SPATA13: variants seen among roughly 807,000 people sequenced by gnomAD.
SPATA13 encodes spermatogenesis associated 13, also known as spermatogenesis-associated protein 13.
A neutral mutation model predicts 104.0 loss-of-function variants in SPATA13; 50 were observed. That is an observed-to-expected ratio of 0.48 (90% CI 0.38 to 0.61). The LOEUF (loss-of-function observed/expected upper bound fraction) is 0.61. SPATA13 is among the 20% of genes least tolerant of loss of function. The pLI is 0.00. For synonymous variants in SPATA13, 606 were observed against 667.5 expected (o/e 0.91, Z 1.42); for missense variants, 1,524 against 1,690.6 (o/e 0.90, Z 1.73).
chr13:24,151,320 G>C (rs950681417), intron 3 of SPATA13, among the ~76,000 whole-genome samples: 1 of 152,132 alleles, frequency 6.6e-6, no homozygotes, highest in East Asian at 1.9e-4. Flanking sequence ...CTGAGGACCC[G>C]GAACCATTTG....
intron 2 of SPATA13, among the ~76,000 whole-genome samples, chr13:24,239,236 T>C (rs1872715062): frequency 6.6e-6 from 1 of 152,148 alleles, no homozygotes; most frequent in South Asian, 2.1e-4. Flanking sequence ...TTTCAGGAGA[T>C]GATGGAGGAA....
chr13:24,202,459 C>T (rs1290729374), intron 1 of SPATA13, among the ~76,000 whole-genome samples: 7 of 148,836 alleles, frequency 4.7e-5, no homozygotes, highest in East Asian at 4.1e-4. Context: ...TGTGCTTGGG[C>T]GCTTTCTCCA....
chr13:24,197,375 GTAAC>G (rs1870118535), intron 1 of SPATA13, among the ~76,000 whole-genome samples: 1 of 152,098 alleles, frequency 6.6e-6, no homozygotes, highest in South Asian at 2.1e-4. Context: ...TTGTTAAAAC[GTAAC>G]TATCTCTTAA....
At chr13:23,987,791 A>G (rs150032860) in intron 2 of SPATA13, among the ~76,000 whole-genome samples, 5 of 152,104 alleles carry the variant, frequency 3.3e-5, no homozygotes, top group South Asian at 2.1e-4. Context: ...CCTGGCAACC[A>G]CCATTCTACT....
At chr13:24,279,321 G>T (rs998595328) in intron 4 of SPATA13, among the ~76,000 whole-genome samples, 1 of 152,196 alleles carries the variant, frequency 6.6e-6, no homozygotes, top group Non-Finnish European at 1.5e-5. Context: ...TTGGAGAGGG[G>T]TGGGAGGCAC....
chr13:24,012,203 G>A (rs533780826), intron 2 of SPATA13, among the ~76,000 whole-genome samples: 73 of 152,308 alleles, frequency 4.8e-4, no homozygotes, highest in East Asian at 3.9e-4. Context: ...TTTCACCTGC[G>A]TCACAGCCAG....
chr13:24,053,146 G>T (rs1878421402), intron 3 of SPATA13, among the ~76,000 whole-genome samples: 1 of 152,000 alleles, frequency 6.6e-6, no homozygotes, highest in Non-Finnish European at 1.5e-5. Context: ...TAGATATAAA[G>T]CATCAAGTAT....
At chr13:24,292,007 C>T (rs1425263693) in intron 9 of SPATA13, among the ~76,000 whole-genome samples, 4 of 152,112 alleles carry the variant, frequency 2.6e-5, no homozygotes, top group Non-Finnish European at 4.4e-5. Flanking sequence ...CCACCCGCCT[C>T]GGCCTCCCAA....
chr13:24,300,132 C>A (rs545631960), intron 11 of SPATA13, among the ~76,000 whole-genome samples: 13 of 152,302 alleles, frequency 8.5e-5, no homozygotes, highest in African/African-American at 3.1e-4. Context: ...CGTCGGGCTT[C>A]ACACAGACAT....
intron 1 of SPATA13, among the ~76,000 whole-genome samples, chr13:24,209,103 C>A (rs1456152934): frequency 6.6e-6 from 1 of 152,120 alleles, no homozygotes; most frequent in African/African-American, 2.4e-5. Context: ...GTCATTCTAA[C>A]GGAGGTGCAG....
chr13:24,125,330 A>G (rs1024183469), intron 3 of SPATA13, among the ~76,000 whole-genome samples: 2 of 152,124 alleles, frequency 1.3e-5, no homozygotes, highest in Non-Finnish European at 2.9e-5. Context: ...TGTCATTCCT[A>G]ATGAGACTCA....
At position 24,286,589 on chromosome 13, in the gene SPATA13, T is replaced by C. The variant is rs542061665; in HGVS notation, c.2482-176T>C. The stretch of plus-strand genomic sequence containing the variant: ...AAGCGAGTTGCTCGGTGTTTCTCTG[T>C]GGTCCTCGTGCCTGCTGGCATAGCC... On this transcript the variant is annotated intron_variant, in intron 6 of 12. Transcript: ENST00000382108. The surrounding 1 kb of genome is among the most constrained non-coding windows in gnomAD (Gnocchi z 4.9). 6.6e-6 allele frequency among the ~76,000 whole-genome samples: 1 copy of C among 152,236 alleles called. No homozygotes were observed. The highest frequency in any genetic ancestry group is 1.9e-4 in the East Asian group (1 of 5,164).
chr13:24,014,431 T>C (rs907581867), intron 2 of SPATA13, among the ~76,000 whole-genome samples: 9 of 152,264 alleles, frequency 5.9e-5, no homozygotes, highest in African/African-American at 2.2e-4. Flanking sequence ...TAACTACTAA[T>C]AGCCTGCTAT....
chr13:24,256,693 C>T (rs1227377685), intron 4 of SPATA13, among the ~76,000 whole-genome samples: 2 of 152,170 alleles, frequency 1.3e-5, no homozygotes, highest in Non-Finnish European at 2.9e-5. Context: ...CTGTTTGTAG[C>T]ACCTGTCTTA....
At chr13:24,191,450 A>G (rs1020232994) in intron 1 of SPATA13, among the ~76,000 whole-genome samples, 10 of 149,962 alleles carry the variant, frequency 6.7e-5, no homozygotes, top group African/African-American at 2.2e-4. Flanking sequence ...CAAACCTGCA[A>G]TATCTCCCAA....
At chr13:24,188,531 A>G (rs9511118) in intron 1 of SPATA13, among the ~76,000 whole-genome samples, 111,478 of 151,998 alleles carry the variant, frequency 0.73, 45,527 homozygotes, top group Non-Finnish European at 0.91. Flanking sequence ...TTCTGTGAAG[A>G]CTGAGAGAGG....
intron 1 of SPATA13, among the ~76,000 whole-genome samples, chr13:24,172,424 T>G (rs1195144240): frequency 6.6e-6 from 1 of 152,234 alleles, no homozygotes; most frequent in Non-Finnish European, 1.5e-5. Flanking sequence ...GTCTAAGAAC[T>G]CCGTCGTAGT....
chr13:24,042,399 A>T (rs780657800), intron 3 of SPATA13, among the ~76,000 whole-genome samples: 5 of 152,094 alleles, frequency 3.3e-5, no homozygotes. Context: ...AAAGATCCAT[A>T]GGCCGCTTTC....
intron 1 of SPATA13, among the ~76,000 whole-genome samples, chr13:24,194,611 C>A (rs1869946551): frequency 6.6e-6 from 1 of 152,168 alleles, no homozygotes; most frequent in Admixed American, 6.6e-5. Context: ...GCATAATGAG[C>A]CCGGTAGGTC....
Sources: allele counts gnomAD v4.1 joint callset (sites outside exome capture counted in the v4.1 genomes callset), GRCh38; gene constraint gnomAD v4.1.1; non-coding constraint Gnocchi (gnomAD v3.1); transcripts MANE v1.5; gene names NCBI Gene and HGNC (gene_info 2026-07-23, HGNC 2026-07-21).